LYN: variants seen among roughly 807,000 people sequenced by gnomAD.
LYN encodes tyrosine-protein kinase Lyn.
LYN carries 12 observed loss-of-function variants against 65.0 expected under a neutral mutation model. The ratio of observed to expected loss-of-function variants is 0.18; its 90% CI spans 0.12 to 0.30. LYN has a LOEUF of 0.30. LYN is among the 10% of genes least tolerant of loss of function. The pLI, the probability that LYN is intolerant of heterozygous loss-of-function variation, is 1.00. For synonymous variants in LYN, 222 were observed against 221.2 expected, an observed-to-expected ratio of 1.00 and a Z score of -0.03; for missense variants, 380 against 623.2, an observed-to-expected ratio of 0.61 and a Z score of 4.16.
intron 8 of LYN, among the ~76,000 whole-genome samples, chr8:55,962,974 A>G (rs72651502): frequency 0.14 from 21,674 of 152,212 alleles, 2,086 homozygotes; most frequent in Middle Eastern, 0.23. Flanking sequence ...GTGAACTAAT[A>G]GAGCGAGAAC....
At position 55,998,337 on chromosome 8, in the gene LYN, T is replaced by G. The variant is rs1225538472; in HGVS notation, c.1051-9T>G. 2.5e-6 allele frequency: 4 copies of G among 1,601,614 alleles called. No homozygotes were observed. ...ACATATGAAAATGGGAGCCTATTTC[T>G]GTTTTCAGATTGCAGAGGGAATGGC... On this transcript the variant is annotated splice_polypyrimidine_tract_variant and intron_variant, in intron 10 of 12. Transcript: ENST00000519728.
chr8:56,000,411 A>G (rs909262254), intron 12 of LYN, among the ~76,000 whole-genome samples: 4 of 151,672 alleles, frequency 2.6e-5, no homozygotes, highest in Non-Finnish European at 4.4e-5. Context: ...CCATTTTTCC[A>G]TGGTCTGTGC....
rs1437916467 is a variant in LYN at position 56,012,020 on chromosome 8, T to C, written c.*1910T>C. 2 of 189,316 alleles carry C rather than the reference T, an allele frequency of 1.1e-5. No individual in the cohort carries two copies. Among genetic ancestry groups the C allele is most frequent in the Non-Finnish European group, 2.2e-5 (2 of 90,162 alleles). 11.7% of individuals were successfully genotyped at this position (189,316 alleles called of 1,614,324 possible). A position where few individuals can be genotyped will look rare whatever the true frequency, so the allele number is the denominator to read the frequency against. On this transcript the variant is annotated 3_prime_UTR_variant, in exon 13 of 13. Transcript: ENST00000519728. The stretch of plus-strand genomic sequence containing the variant: ...TTTATTTAAAGAAAATTATTAAATT[T>C]ATCTTCGCCTTGTTTTGCTTCTCCC...
At position 55,888,891 on chromosome 8, in the gene LYN, A is replaced by G. The variant is rs980860846; in HGVS notation, c.-6+8788A>G. Among the ~76,000 whole-genome samples the G allele has an allele frequency of 5.3e-5, 8 of 152,176 alleles. No individual in the cohort carries two copies. The South Asian group carries it at 6.2e-4, about 12-fold the overall frequency. Reference sequence around the variant, plus strand: ...TATGGAGTTTATGGTTGTTGGTATAATGAAATGCGGCACCATAGCAGTTGA... The same window carrying G: ...TATGGAGTTTATGGTTGTTGGTATAGTGAAATGCGGCACCATAGCAGTTGA... On this transcript the variant is annotated intron_variant, in intron 1 of 12. Coordinates refer to ENST00000519728, the MANE Select transcript of LYN (RefSeq NM_002350.4).
intron 9 of LYN, among the ~76,000 whole-genome samples, chr8:55,969,096 C>A (rs1383858523): frequency 6.6e-6 from 1 of 152,092 alleles, no homozygotes; most frequent in Non-Finnish European, 1.5e-5. Context: ...GCCTGGGCAA[C>A]ATGGTGAAAT....
At chr8:55,989,182 C>T (rs1056711727) in intron 10 of LYN, among the ~76,000 whole-genome samples, 11 of 152,180 alleles carry the variant, frequency 7.2e-5, no homozygotes, top group Non-Finnish European at 1.2e-4. Context: ...CCGGTTTCAC[C>T]GTGTGGGATG....
chr8:55,964,569 T>A (rs28452438), intron 8 of LYN, among the ~76,000 whole-genome samples: 2 of 152,160 alleles, frequency 1.3e-5, no homozygotes, highest in East Asian at 1.9e-4. Flanking sequence ...AATCATTTTT[T>A]AAAAAGTACA....
At chr8:55,902,132 C>G (rs956291933) in intron 1 of LYN, among the ~76,000 whole-genome samples, 2 of 151,576 alleles carry the variant, frequency 1.3e-5, no homozygotes, top group Non-Finnish European at 2.9e-5. Context: ...CTCAGCCTCC[C>G]GAGTAGCTGG....
chr8:55,930,015 C>T (rs911720121), intron 1 of LYN, among the ~76,000 whole-genome samples: 4 of 152,174 alleles, frequency 2.6e-5, no homozygotes, highest in African/African-American at 9.7e-5. Flanking sequence ...ATAGTAGATT[C>T]TCATAGGGGC....
At position 56,012,583 on chromosome 8, in the gene LYN, G is replaced by C. The variant is rs781180632; in HGVS notation, c.*2473G>C. The C allele has an allele frequency of 6.5e-6, 1 of 153,290 alleles. No individual in the cohort carries two copies. The highest frequency in any genetic ancestry group is 1.5e-5 in the Non-Finnish European group (1 of 68,772). The allele number at this position is 153,290 out of a possible 1,614,324, so 9.5% of individuals were successfully genotyped here. A position where few individuals can be genotyped will look rare whatever the true frequency, so the allele number is the denominator to read the frequency against. ...AAATTTTAAAAATTAGCTAAGTGTG[G>C]TGGCACATACCTATGGTCCCAGCTA... On this transcript the variant is annotated 3_prime_UTR_variant, in exon 13 of 13. Coordinates refer to ENST00000519728, the MANE Select transcript of LYN (RefSeq NM_002350.4).
At chr8:55,891,656 C>T (rs1425819715) in intron 1 of LYN, among the ~76,000 whole-genome samples, 1 of 152,030 alleles carries the variant, frequency 6.6e-6, no homozygotes, top group Non-Finnish European at 1.5e-5. Flanking sequence ...CTTAATGCCA[C>T]TGAGTTATAT....
intron 1 of LYN, among the ~76,000 whole-genome samples, chr8:55,886,640 A>G (rs1282811465): frequency 1.3e-5 from 2 of 152,200 alleles, no homozygotes. Context: ...AGAAAAAGGA[A>G]AATACAATCT....
intron 6 of LYN, 143 bp from the exon 7 acceptor site, chr8:55,951,823 C>A (rs1806958625): frequency 1.6e-6 from 1 of 609,768 alleles, no homozygotes; most frequent in Non-Finnish European, 2.6e-6. Context: ...TTTTATAGGA[C>A]TTTTAAAATT....
intron 8 of LYN, among the ~76,000 whole-genome samples, chr8:55,961,962 A>T (rs1049036245): frequency 2.4e-4 from 35 of 148,090 alleles, no homozygotes; most frequent in African/African-American, 8.7e-4. Context: ...TAATTTTGCC[A>T]CTTTTGTATA....
In LYN at chr8:55,949,646, T is replaced by G. The variant is rs535482061; in HGVS notation, c.285-813T>G. Among the ~76,000 whole-genome samples the G allele has an allele frequency of 3.9e-5, 6 of 152,352 alleles. No individual in the cohort carries two copies. In the East Asian group the frequency reaches 1.2e-3, roughly 29 times the overall value. On this transcript the variant is annotated intron_variant, in intron 4 of 12. Transcript: ENST00000519728. ...ATGTATGCAGTGTGTACGGATCAAG[T>G]CAGCGTAATTAGCATATCCATCATC...
At chr8:55,942,912 G>A (rs1806668323) in intron 2 of LYN, among the ~76,000 whole-genome samples, 1 of 151,850 alleles carries the variant, frequency 6.6e-6, no homozygotes, top group Non-Finnish European at 1.5e-5. Flanking sequence ...ACTTTATCCT[G>A]TCCTGTCATT....
At position 56,003,480 on chromosome 8, in the gene LYN, C is replaced by T. The variant is rs112591757; in HGVS notation, c.1336+3931C>T. On this transcript the variant is annotated intron_variant, in intron 12 of 12. Transcript: ENST00000519728. ...AGGAGTTCGAGACCAGCCTGGACAA[C>T]ATGGCCAAACCCTGTCTCTACAAAA... is the stretch of plus-strand genomic sequence containing the variant. Among the ~76,000 whole-genome samples the T allele has an allele frequency of 6.3e-3, 958 of 152,182 alleles. 8 individuals are homozygous for T. Among genetic ancestry groups the T allele is most frequent in the African/African-American group, 0.022 (897 of 41,548 alleles).
intron 1 of LYN, among the ~76,000 whole-genome samples, chr8:55,925,489 T>C (rs1339246611): frequency 2.6e-5 from 4 of 152,236 alleles, no homozygotes; most frequent in African/African-American, 9.6e-5. Context: ...TAGGTTCAAA[T>C]TATTGCCTGG....
intron 1 of LYN, among the ~76,000 whole-genome samples, chr8:55,929,255 C>T (rs899455587): frequency 1.4e-4 from 22 of 152,168 alleles, no homozygotes; most frequent in Non-Finnish European, 8.8e-5. Context: ...TAGAATAGAT[C>T]CTTCTTACTG....
Sources: gnomAD v4.1 joint callset for allele counts (sites outside exome capture counted in the v4.1 genomes callset) on GRCh38, gnomAD v4.1.1 for gene constraint, MANE v1.5 for transcripts, NCBI Gene and HGNC (gene_info 2026-07-23, HGNC 2026-07-21) for gene names.